Variants in NCAM2 observed in about 807,000 individuals in gnomAD.
NCAM2 encodes the protein neural cell adhesion molecule 2, also known as N-CAM-2.
Under a neutral mutation model 98.1 loss-of-function variants are expected in NCAM2, and 30 were observed. The ratio of observed to expected loss-of-function variants is 0.31; its 90% CI spans 0.23 to 0.41. The LOEUF (loss-of-function observed/expected upper bound fraction) is 0.41. Ranked by LOEUF, NCAM2 falls within the 10% of genes least tolerant of loss-of-function variation. The pLI, the probability that NCAM2 is intolerant of heterozygous loss-of-function variation, is 1.00. For missense variants in NCAM2, 867 were observed against 1,005.8 expected (o/e 0.86, Z 1.87); for synonymous variants, 368 against 342.4 (o/e 1.07, Z -0.83).
In NCAM2 at chr21:21,418,415, A is replaced by G. The variant is rs990285076; in HGVS notation, c.1384-58A>G. ...GAAAGTGGTAGTCATACTGGGGTTTATTATAAAACTTCTGTGATGTTTTAG... is the reference window on the plus strand; with the variant it reads ...GAAAGTGGTAGTCATACTGGGGTTTGTTATAAAACTTCTGTGATGTTTTAG... On this transcript the variant is annotated intron_variant, in intron 10 of 17. Coordinates refer to ENST00000400546, the MANE Select transcript of NCAM2 (RefSeq NM_004540.5). 5.5e-6 allele frequency: 7 copies of G among 1,274,276 alleles called. No individual in the cohort carries two copies. In the Admixed American group the frequency reaches 1.0e-4, roughly 19 times the overall value. 78.9% of individuals were successfully genotyped at this position (1,274,276 alleles called of 1,614,324 possible). A position where few individuals can be genotyped will look rare whatever the true frequency, so the allele number is the denominator to read the frequency against.
At chr21:21,393,916 G>T (rs2076439151) in intron 9 of NCAM2, among the ~76,000 whole-genome samples, 2 of 152,198 alleles carry the variant, frequency 1.3e-5, no homozygotes, top group African/African-American at 2.4e-5. Context: ...TTAGAAAAAG[G>T]AGAATAATAT....
chr21:21,018,217 C>T (rs928577311), intron 1 of NCAM2, among the ~76,000 whole-genome samples: 1 of 152,150 alleles, frequency 6.6e-6, no homozygotes, highest in African/African-American at 2.4e-5. Context: ...CACCTCTCCC[C>T]ACTATTTTTT....
intron 1 of NCAM2, among the ~76,000 whole-genome samples, chr21:21,194,807 C>CA (rs2068948622): frequency 6.6e-6 from 1 of 152,056 alleles, no homozygotes; most frequent in African/African-American, 2.4e-5. Flanking sequence ...TTACTGCAAT[C>CA]AAATTACCTA....
At chr21:21,311,965 G>T (rs1039096017) in intron 5 of NCAM2, among the ~76,000 whole-genome samples, 1 of 152,122 alleles carries the variant, frequency 6.6e-6, no homozygotes, top group Admixed American at 6.5e-5. Context: ...AATTGGAAAA[G>T]ATTTCTTTCT....
At position 21,210,672 on chromosome 21, in the gene NCAM2, A is replaced by G. The variant is rs904713335; in HGVS notation, c.56-69906A>G. The G allele has an allele frequency of 7.9e-6, 10 of 1,273,448 alleles. No homozygotes were observed. In the African/African-American group the frequency reaches 1.2e-4, roughly 16 times the overall value. 78.9% of individuals were successfully genotyped at this position (1,273,448 alleles called of 1,614,324 possible). On this transcript the variant is annotated intron_variant, in intron 1 of 17. Transcript: ENST00000400546. The stretch of plus-strand genomic sequence containing the variant: ...CACTTTATCTTGAAGAAGGGCAACC[A>G]GAGACTTATTACAGGACAGGTCAGC...
chr21:21,514,861 A>G (rs1988620538), intron 16 of NCAM2, among the ~76,000 whole-genome samples: 1 of 152,024 alleles, frequency 6.6e-6, no homozygotes, highest in Non-Finnish European at 1.5e-5. Flanking sequence ...CACTTTCTCT[A>G]TCCTTTCACC....
intron 4 of NCAM2, among the ~76,000 whole-genome samples, chr21:21,289,294 A>G (rs966156801): frequency 2.6e-5 from 4 of 151,964 alleles, no homozygotes; most frequent in Non-Finnish European, 5.9e-5. Context: ...GGTAAGCAAG[A>G]TAAGTTCACT....
intron 1 of NCAM2, among the ~76,000 whole-genome samples, chr21:21,276,621 A>G (rs892911621): frequency 2.6e-5 from 4 of 152,070 alleles, no homozygotes; most frequent in Non-Finnish European, 5.9e-5. Flanking sequence ...CTTACCTTAT[A>G]TTGATTTGGG....
chr21:21,074,622 C>A (rs943829721), intron 1 of NCAM2, among the ~76,000 whole-genome samples: 1 of 152,228 alleles, frequency 6.6e-6, no homozygotes, highest in South Asian at 2.1e-4. Context: ...TTATGGGAGT[C>A]GGGTTTGGCA....
Position 21,537,995 on chromosome 21 carries a change from G to A in NCAM2, c.*38G>A, listed in dbSNP as rs377288652. 3.4e-5 allele frequency: 42 copies of A among 1,243,630 alleles called. No individual in the cohort carries two copies. In the African/African-American group the frequency reaches 5.6e-4, roughly 17 times the overall value. The allele number at this position is 1,243,630 out of a possible 1,614,324, so 77.0% of individuals were successfully genotyped here. On this transcript the variant is annotated 3_prime_UTR_variant, in exon 18 of 18. Transcript: ENST00000400546. ...AGGGGCTTGAACAACACTACGAAGA[G>A]TATTTGGATTGCGTGACCCTATGAC...
chr21:21,048,318 C>A lies in NCAM2; in HGVS notation c.55+49700C>A, dbSNP rs115682791. Among the ~76,000 whole-genome samples the A allele has an allele frequency of 4.9e-3, 740 of 152,168 alleles. 10 individuals are homozygous for A. Among genetic ancestry groups the A allele is most frequent in the African/African-American group, 0.018 (729 of 41,516 alleles). On this transcript the variant is annotated intron_variant, in intron 1 of 17. Transcript: ENST00000400546. The stretch of plus-strand genomic sequence containing the variant: ...TTAAATTTACCCATAGCCTGGAAGA[C>A]CCCCTTTAAGTTGTCCCCCCTTTCT...
chr21:21,136,507 G>A (rs1394693383), intron 1 of NCAM2, among the ~76,000 whole-genome samples: 1 of 148,804 alleles, frequency 6.7e-6, no homozygotes, highest in Non-Finnish European at 1.5e-5. Flanking sequence ...TGTCACTCAT[G>A]CTGGAGTGCA....
intron 6 of NCAM2, among the ~76,000 whole-genome samples, chr21:21,330,415 G>T (rs978660696): frequency 2.0e-5 from 3 of 151,756 alleles, no homozygotes; most frequent in Non-Finnish European, 4.4e-5. Context: ...ATGCTGATTT[G>T]TTTCTAAGTA....
chr21:21,251,076 G>T (rs749054495), intron 1 of NCAM2, among the ~76,000 whole-genome samples: 24 of 152,216 alleles, frequency 1.6e-4, no homozygotes, highest in African/African-American at 5.5e-4. Flanking sequence ...TAAATGTGTC[G>T]TGATTTTTTT....
intron 16 of NCAM2, among the ~76,000 whole-genome samples, chr21:21,528,320 A>G (rs1215240038): frequency 6.6e-6 from 1 of 152,150 alleles, no homozygotes; most frequent in East Asian, 1.9e-4. Flanking sequence ...TACAACCCCA[A>G]GAGTGAACCT....
chr21:21,315,863 T>C (rs553991553), intron 5 of NCAM2, among the ~76,000 whole-genome samples: 1 of 152,314 alleles, frequency 6.6e-6, no homozygotes, highest in South Asian at 2.1e-4. Context: ...TCTATCCAAA[T>C]ATATTGGTCA....
At chr21:21,284,543 A>T (rs535965809) in intron 3 of NCAM2, 143 bp downstream of exon 3, 6 of 655,728 alleles carry the variant, frequency 9.2e-6, no homozygotes, top group African/African-American at 7.3e-5. Flanking sequence ...ACCAGAGTGT[A>T]TCTTAGAATA....
chr21:21,188,881 A>G (rs2068725319), intron 1 of NCAM2, among the ~76,000 whole-genome samples: 1 of 152,226 alleles, frequency 6.6e-6, no homozygotes, highest in South Asian at 2.1e-4. Flanking sequence ...AAAACCCTTC[A>G]GAGCACAGAA....
chr21:21,265,510 T>C (rs1274255881), intron 1 of NCAM2, among the ~76,000 whole-genome samples: 2 of 144,396 alleles, frequency 1.4e-5, no homozygotes, highest in African/African-American at 2.5e-5. Context: ...TATGTGTGTA[T>C]ATATACACAT....
Sources: gnomAD v4.1 joint callset for allele counts (sites outside exome capture counted in the v4.1 genomes callset) on GRCh38, gnomAD v4.1.1 for gene constraint, MANE v1.5 for transcripts, NCBI Gene and HGNC (gene_info 2026-07-23, HGNC 2026-07-21) for gene names.